Variants in SLC39A12 observed in about 807,000 individuals in gnomAD.
The protein encoded by SLC39A12 is zinc transporter ZIP12.
A neutral mutation model predicts 71.1 loss-of-function variants in SLC39A12; 63 were observed. That is an observed-to-expected ratio of 0.89 (90% CI 0.72 to 1.09). SLC39A12 has a LOEUF of 1.09. SLC39A12 is among the 50% of genes least tolerant of loss of function. The pLI is 0.00. For missense variants in SLC39A12, 892 were observed against 812.6 expected (o/e 1.10, Z -1.19); for synonymous variants, 351 against 301.3 (o/e 1.16, Z -1.71).
At chr10:18,004,515 G>A (rs1334638483) in intron 12 of SLC39A12, 1 of 152,074 alleles carries the variant, frequency 6.6e-6, no homozygotes, top group Non-Finnish European at 1.5e-5. Context: ...CTTAGTAAGG[G>A]GATTCTCAGA....
intron 6 of SLC39A12, among the ~76,000 whole-genome samples, chr10:17,981,798 A>G (rs576545477): frequency 6.6e-6 from 1 of 152,288 alleles, no homozygotes; most frequent in South Asian, 2.1e-4. Flanking sequence ...TCTTCAATGA[A>G]TATTTTATAT....
intron 9 of SLC39A12, among the ~76,000 whole-genome samples, chr10:17,994,902 G>C (rs1589237008): frequency 6.6e-6 from 1 of 152,046 alleles, no homozygotes; most frequent in Admixed American, 6.6e-5. Context: ...CTTTTAAAAG[G>C]ACATATTTAA....
At chr10:18,038,154 A>G (rs191330108) in intron 12 of SLC39A12, among the ~76,000 whole-genome samples, 1 of 151,366 alleles carries the variant, frequency 6.6e-6, no homozygotes, top group African/African-American at 2.4e-5. Context: ...TTCCATGTAA[A>G]TGTTGCCTCT....
At chr10:18,036,782 A>ATTTTTTTTTTTT (rs1564665979) in intron 12 of SLC39A12, among the ~76,000 whole-genome samples, 1 of 7,266 alleles carries the variant, frequency 1.4e-4, no homozygotes, top group African/African-American at 6.2e-4. Flanking sequence ...ATATATATAT[A>ATTTTTTTTTTTT]TATATATATA....
In SLC39A12 at chr10:17,953,321, T is replaced by A; in HGVS notation, c.45T>A (p.Phe15Leu). The A allele has an allele frequency of 6.2e-7, 1 of 1,614,208 alleles. No individual in the cohort carries two copies. ...TCTCAGTATCCTGGGTGCCATTGTT[T>A]CTTCTACTCAGCCGTGTTTTTTCTA... ...TKLSVSWVPL[F>L]LLLSRVFSTE... Residue 15 changes from phenylalanine (F) to leucine (L), a missense_variant, in exon 2 of 13, where the codon TTT becomes TTA. Transcript: ENST00000377369.
chr10:17,981,952 T>G (rs1835271400), intron 6 of SLC39A12, among the ~76,000 whole-genome samples: 1 of 152,182 alleles, frequency 6.6e-6, no homozygotes, highest in South Asian at 2.1e-4. Flanking sequence ...AGTCATGCTT[T>G]TTTTCCTCAG....
intron 11 of SLC39A12, chr10:18,002,943 AG>A (rs1835877617): frequency 2.2e-6 from 1 of 450,428 alleles, no homozygotes; most frequent in Admixed American, 3.7e-5. Context: ...TACAATCTTT[AG>A]GAGCAGCCAA....
chr10:17,970,674 TTGTGTGTGTGTGTGTGTG>T (rs61528284), intron 4 of SLC39A12, among the ~76,000 whole-genome samples: 36 of 145,524 alleles, frequency 2.5e-4, no homozygotes, highest in African/African-American at 7.1e-4. Context: ...TTCTAATAGT[TTGTGTGTGTGTGTGTGTG>T]TGTGTGTGTG....
chr10:17,987,786 ATAT>A, intron 7 of SLC39A12, 135 bp downstream of exon 7: 2 of 921,144 alleles, frequency 2.2e-6, no homozygotes, highest in Non-Finnish European at 3.2e-6. Context: ...TTAAAAAGAA[ATAT>A]TATTTCCCCA....
At chr10:18,036,777 TATATA>T (rs1837048785) in intron 12 of SLC39A12, among the ~76,000 whole-genome samples, 13 of 18,708 alleles carry the variant, frequency 6.9e-4, no homozygotes, top group African/African-American at 2.1e-3. Flanking sequence ...TATATATATA[TATATA>T]TATATATATA....
chr10:18,040,459 T>G (rs1372874800), intron 12 of SLC39A12, among the ~76,000 whole-genome samples: 1 of 152,016 alleles, frequency 6.6e-6, no homozygotes, highest in Non-Finnish European at 1.5e-5. Context: ...AGGGTGCTCC[T>G]CTCCATGTAC....
At chr10:17,965,852 GCAA>G (rs1345163313) in intron 4 of SLC39A12, among the ~76,000 whole-genome samples, 162 bp downstream of exon 4, 1 of 152,146 alleles carries the variant, frequency 6.6e-6, no homozygotes, top group Non-Finnish European at 1.5e-5. Context: ...GCCTTTCAAG[GCAA>G]GCGTGCTATG....
chr10:18,003,100 T>C lies in SLC39A12; in HGVS notation c.1760-71T>C, dbSNP rs1012258103. The C allele has an allele frequency of 2.1e-5, 29 of 1,394,080 alleles. No homozygotes were observed. The East Asian group carries it at 4.6e-4, about 22-fold the overall frequency. 86.4% of individuals were successfully genotyped at this position (1,394,080 alleles called of 1,614,324 possible). A position where few individuals can be genotyped will look rare whatever the true frequency, so the allele number is the denominator to read the frequency against. On this transcript the variant is annotated intron_variant, in intron 11 of 12. Coordinates refer to ENST00000377369, the MANE Select transcript of SLC39A12 (RefSeq NM_001145195.2). ...CAGTGCTGACATTCGAAATAGCTAA[T>C]AGTGCGTTACTTTAGCAAAGGCGTC...
In SLC39A12 at chr10:18,042,792, C is replaced by T; in HGVS notation, c.2035C>T (p.Leu679Phe). The change falls in exon 13 of 13, where the codon CTC becomes TTC. Residue 679 changes from leucine to phenylalanine, a missense_variant. Coordinates refer to ENST00000377369, the MANE Select transcript of SLC39A12 (RefSeq NM_001145195.2). ...TGGATTGATCCTAGGTTGGCTTTCT[C>T]TCCTGCTCTTGGCTATATATGAGCA... is the stretch of plus-strand genomic sequence containing the variant. ...NFGLILGWLSLLLLAIYEQNI... is the reference protein window; with the variant it reads ...NFGLILGWLSFLLLAIYEQNI... 6.2e-7 allele frequency: 1 copy of T among 1,613,112 alleles called. No homozygotes were observed. Among genetic ancestry groups the T allele is most frequent in the Non-Finnish European group, 8.5e-7 (1 of 1,179,632 alleles).
chr10:17,959,131 T>TA, intron 2 of SLC39A12, among the ~76,000 whole-genome samples: 1 of 152,180 alleles, frequency 6.6e-6, no homozygotes, highest in African/African-American at 2.4e-5. Flanking sequence ...ACACTTTTTA[T>TA]AAAAGTGTAA....
intron 10 of SLC39A12, among the ~76,000 whole-genome samples, chr10:17,997,962 A>G (rs976527618): frequency 6.6e-6 from 1 of 152,218 alleles, no homozygotes; most frequent in Non-Finnish European, 1.5e-5. Context: ...TAATGAGTAC[A>G]TTAAATTACC....
chr10:18,036,602 C>T (rs1281944265), intron 12 of SLC39A12, among the ~76,000 whole-genome samples: 3 of 151,668 alleles, frequency 2.0e-5, no homozygotes, highest in Non-Finnish European at 4.4e-5. Flanking sequence ...CAGAAATCAC[C>T]CGTCTTCTGC....
intron 4 of SLC39A12, among the ~76,000 whole-genome samples, chr10:17,975,168 C>A (rs1056846897): frequency 2.0e-5 from 3 of 152,082 alleles, no homozygotes; most frequent in African/African-American, 7.2e-5. Context: ...TCAGTGGGCT[C>A]CCCTAGGCCC....
At chr10:17,953,024 A>G (rs1463945126) in intron 1 of SLC39A12, among the ~76,000 whole-genome samples, 167 bp from the exon 2 acceptor site, 8 of 152,192 alleles carry the variant, frequency 5.3e-5, no homozygotes, top group African/African-American at 1.7e-4. Context: ...TTGAAAGTCT[A>G]CAGCCATGGT....
Sources: gnomAD v4.1 joint callset for allele counts (sites outside exome capture counted in the v4.1 genomes callset) on GRCh38, gnomAD v4.1.1 for gene constraint, MANE v1.5 for transcripts, NCBI Gene and HGNC (gene_info 2026-07-23, HGNC 2026-07-21) for gene names.